Variants in VWC2L observed in about 807,000 individuals in gnomAD.
VWC2L encodes von Willebrand factor C domain containing 2 like, also known as von Willebrand factor C domain-containing protein 2-like.
Under a neutral mutation model 21.6 loss-of-function variants are expected in VWC2L, and 10 were observed. That is an observed-to-expected ratio of 0.46 (90% CI 0.29 to 0.78). The LOEUF (loss-of-function observed/expected upper bound fraction) is 0.78, where lower values mean the gene tolerates loss of function less well. Among genes scored for constraint, VWC2L ranks in the 30% least tolerant of loss-of-function variants. The pLI, the probability that VWC2L is intolerant of heterozygous loss-of-function variation, is 0.10. For synonymous variants in VWC2L, 96 were observed against 94.3 expected (o/e 1.02, Z -0.10); for missense variants, 209 against 277.1 (o/e 0.75, Z 1.74).
intron 3 of VWC2L, among the ~76,000 whole-genome samples, chr2:214,494,464 T>G (rs1688785296): frequency 6.6e-6 from 1 of 152,190 alleles, no homozygotes; most frequent in African/African-American, 2.4e-5. Context: ...ACCCTCTGCA[T>G]GTCTCTGAAG....
chr2:214,560,354 T>G (rs1689946957), intron 3 of VWC2L, among the ~76,000 whole-genome samples: 1 of 152,152 alleles, frequency 6.6e-6, no homozygotes, highest in Non-Finnish European at 1.5e-5. Context: ...GTTTTCTGCT[T>G]CGTTGTGGTG....
At chr2:214,454,287 C>A (rs776469893) in intron 3 of VWC2L, among the ~76,000 whole-genome samples, 1 of 151,964 alleles carries the variant, frequency 6.6e-6, no homozygotes, top group Non-Finnish European at 1.5e-5. Flanking sequence ...TCTTATTGTG[C>A]TTTTTAGAAC....
At chr2:214,427,364 C>T (rs551443191) in intron 2 of VWC2L, among the ~76,000 whole-genome samples, 8 of 152,146 alleles carry the variant, frequency 5.3e-5, no homozygotes, top group Non-Finnish European at 1.2e-4. Flanking sequence ...GTTAATGAGA[C>T]TCTAGGACAT....
At chr2:214,424,334 C>A (rs1352735936) in intron 2 of VWC2L, among the ~76,000 whole-genome samples, 2 of 152,092 alleles carry the variant, frequency 1.3e-5, no homozygotes, top group African/African-American at 2.4e-5. Flanking sequence ...ATGAGCAGTA[C>A]ACGTTAGTAT....
chr2:214,470,074 T>A lies in VWC2L; in HGVS notation c.520+33316T>A, dbSNP rs530351171. Among the ~76,000 whole-genome samples the A allele has an allele frequency of 1.4e-4, 21 of 152,312 alleles. No individual in the cohort carries two copies. The East Asian group carries it at 3.5e-3, about 25-fold the overall frequency. On this transcript the variant is annotated intron_variant, in intron 3 of 3. Coordinates refer to ENST00000312504, the MANE Select transcript of VWC2L (RefSeq NM_001080500.4). ...ATTACATGTAAGTCCTCAGATGAAC[T>A]ATTAGTATATGCAAAATATTATCAT...
At chr2:214,503,709 A>G (rs1010349603) in intron 3 of VWC2L, among the ~76,000 whole-genome samples, 4 of 148,366 alleles carry the variant, frequency 2.7e-5, no homozygotes, top group African/African-American at 9.9e-5. Flanking sequence ...AATAAAACTA[A>G]AAAAGTGAAA....
intron 3 of VWC2L, among the ~76,000 whole-genome samples, chr2:214,477,039 A>G (rs944142208): frequency 6.6e-6 from 1 of 152,226 alleles, no homozygotes; most frequent in Non-Finnish European, 1.5e-5. Flanking sequence ...AGAGGAAAAA[A>G]AGGAAAGAAA....
chr2:214,462,492 T>A (rs752507708), intron 3 of VWC2L, among the ~76,000 whole-genome samples: 1 of 152,220 alleles, frequency 6.6e-6, no homozygotes, highest in Non-Finnish European at 1.5e-5. Flanking sequence ...GTATCGGTTC[T>A]TTGTGGAGGA....
intron 3 of VWC2L, among the ~76,000 whole-genome samples, chr2:214,448,137 T>C (rs1312820998): frequency 6.6e-6 from 1 of 152,158 alleles, no homozygotes; most frequent in African/African-American, 2.4e-5. Context: ...ACTTTACCTA[T>C]TGACTTACTG....
intron 3 of VWC2L, among the ~76,000 whole-genome samples, chr2:214,518,027 G>C (rs934676120): frequency 3.3e-5 from 5 of 152,130 alleles, no homozygotes; most frequent in Non-Finnish European, 7.4e-5. Flanking sequence ...TTAGCCAGGC[G>C]TAGTGGCAGG....
intron 3 of VWC2L, among the ~76,000 whole-genome samples, chr2:214,493,078 G>T (rs7424055): frequency 6.6e-6 from 1 of 151,944 alleles, no homozygotes; most frequent in Non-Finnish European, 1.5e-5. Context: ...CCTAATATGG[G>T]GTACACCTGC....
rs1415952276 is a variant in VWC2L, at chr2:214,499,427, A to T, written c.520+62669A>T. ...GTTACACTGAACACTTGAAACAGAC[A>T]TATTATTTTAACAGGCATAGGACTA... On this transcript the variant is annotated intron_variant, in intron 3 of 3. Coordinates refer to ENST00000312504, the MANE Select transcript of VWC2L (RefSeq NM_001080500.4). 4.0e-5 allele frequency among the ~76,000 whole-genome samples: 6 copies of T among 149,032 alleles called. No homozygotes were observed. The East Asian group carries it at 1.2e-3, about 30-fold the overall frequency.
rs574076820 is a variant in VWC2L, at chr2:214,524,195, C to T, written c.521-51477C>T. ...ACAGCAATAAAACTCACGTGACAAACTTTTACCCCTCTTCATTTGTACCTG... is the reference window on the plus strand; with the variant it reads ...ACAGCAATAAAACTCACGTGACAAATTTTTACCCCTCTTCATTTGTACCTG... On this transcript the variant is annotated intron_variant, in intron 3 of 3. Transcript: ENST00000312504. 7.2e-5 allele frequency among the ~76,000 whole-genome samples: 11 copies of T among 152,104 alleles called. No individual in the cohort carries two copies. In the East Asian group the frequency reaches 1.9e-3, roughly 27 times the overall value.
chr2:214,553,124 C>G (rs1689820046), intron 3 of VWC2L, among the ~76,000 whole-genome samples: 1 of 152,200 alleles, frequency 6.6e-6, no homozygotes. Flanking sequence ...CCTTCCCCAT[C>G]CCTTTCCAAA....
intron 3 of VWC2L, among the ~76,000 whole-genome samples, chr2:214,523,767 C>G (rs1010918084): frequency 6.6e-6 from 1 of 151,966 alleles, no homozygotes; most frequent in Non-Finnish European, 1.5e-5. Context: ...CAGGAGGGTT[C>G]AAGGCTGCAG....
chr2:214,446,247 C>T (rs1559293138), intron 3 of VWC2L, among the ~76,000 whole-genome samples: 1 of 152,168 alleles, frequency 6.6e-6, no homozygotes, highest in African/African-American at 2.4e-5. Context: ...ATGATGCAAG[C>T]ATGTCCTATG....
intron 2 of VWC2L, among the ~76,000 whole-genome samples, chr2:214,434,855 G>C (rs1702655239): frequency 6.6e-6 from 1 of 152,106 alleles, no homozygotes; most frequent in Non-Finnish European, 1.5e-5. Context: ...TTTATTCCCT[G>C]AATCAATCCA....
At chr2:214,412,291 C>T (rs1311798624) in intron 1 of VWC2L, among the ~76,000 whole-genome samples, 2 of 152,108 alleles carry the variant, frequency 1.3e-5, no homozygotes, top group South Asian at 4.1e-4. Context: ...TATGGCTTAT[C>T]TTGCATGCAT....
At chr2:214,492,999 T>A (rs549076980) in intron 3 of VWC2L, among the ~76,000 whole-genome samples, 1 of 152,218 alleles carries the variant, frequency 6.6e-6, no homozygotes, top group Non-Finnish European at 1.5e-5. Context: ...GGAAATAGAA[T>A]TGATTTTCAG....
Sources: gnomAD v4.1 joint callset for allele counts (sites outside exome capture counted in the v4.1 genomes callset) on GRCh38, gnomAD v4.1.1 for gene constraint, MANE v1.5 for transcripts, NCBI Gene and HGNC (gene_info 2026-07-23, HGNC 2026-07-21) for gene names.